SOAT2: variants seen among roughly 807,000 people sequenced by gnomAD.
The protein encoded by SOAT2 is ACAT-2.
SOAT2 carries 87 observed loss-of-function variants against 76.0 expected under a neutral mutation model. That is an observed-to-expected ratio of 1.14 (90% CI 0.96 to 1.37). The LOEUF is 1.37. SOAT2 is among the 40% of genes most tolerant of loss of function. The pLI, the probability that SOAT2 is intolerant of heterozygous loss-of-function variation, is 0.00. For synonymous variants in SOAT2, 285 were observed against 275.4 expected, an observed-to-expected ratio of 1.03 and a Z score of -0.34; for missense variants, 686 against 682.1, an observed-to-expected ratio of 1.01 and a Z score of -0.06.
chr12:53,105,266 C>T (rs369727625), intron 3 of SOAT2, 23 bp downstream of exon 3: 7 of 1,594,634 alleles, frequency 4.4e-6, no homozygotes, highest in South Asian at 3.4e-5. Context: ...AATGGCTGCG[C>T]GGGCTCCTCT....
chr12:53,112,780 T>C (rs1253904551), intron 5 of SOAT2, among the ~76,000 whole-genome samples: 7 of 88,150 alleles, frequency 7.9e-5, no homozygotes, highest in Admixed American at 9.3e-5. Flanking sequence ...TTTTCTTTCC[T>C]TTTTTTTTTT....
At chr12:53,120,753 C>A (rs1288112338) in intron 10 of SOAT2, 33 bp from the exon 11 acceptor site, 1 of 1,551,674 alleles carries the variant, frequency 6.4e-7, no homozygotes, top group Non-Finnish European at 8.9e-7. Context: ...TGTGGGCCAG[C>A]CTGACCTGCA....
At chr12:53,120,673 G>C in intron 10 of SOAT2, 113 bp from the exon 11 acceptor site, 1 of 701,136 alleles carries the variant, frequency 1.4e-6, no homozygotes, top group South Asian at 1.6e-5. Context: ...TAAATGAATG[G>C]TAAGAGTTGG....
chr12:53,107,869 C>T (rs941543467), intron 5 of SOAT2, among the ~76,000 whole-genome samples: 1 of 152,110 alleles, frequency 6.6e-6, no homozygotes, highest in Admixed American at 6.5e-5. Context: ...GCGATCTGCC[C>T]ACCTTGGCCT....
At chr12:53,117,946 C>T (rs567872237) in intron 7 of SOAT2, among the ~76,000 whole-genome samples, 29 of 152,302 alleles carry the variant, frequency 1.9e-4, no homozygotes, top group Non-Finnish European at 3.1e-4. Flanking sequence ...AGCCTTGTCT[C>T]TTGCAGGGTT....
At position 53,103,676 on chromosome 12, in the gene SOAT2, G is replaced by A; in HGVS notation, c.82+17G>A. 6 of 1,509,182 alleles carry A rather than the reference G, an allele frequency of 4.0e-6. No individual in the cohort carries two copies. The highest frequency in any genetic ancestry group is 2.5e-5 in the South Asian group (2 of 78,806). 93.5% of individuals were successfully genotyped at this position (1,509,182 alleles called of 1,614,324 possible). On this transcript the variant is annotated intron_variant, in intron 1 of 14. Transcript: ENST00000301466. ...GTGGAGATGGTGAGCCGCCCTCGGG[G>A]GTGCAGAAGGCACAGGCAAGTGGGG...
At chr12:53,118,517 G>C in intron 8 of SOAT2, 83 bp downstream of exon 8, 1 of 996,448 alleles carries the variant, frequency 1.0e-6, no homozygotes, top group Non-Finnish European at 1.6e-6. Flanking sequence ...AGGTCCTCAG[G>C]CTCACCTCAG....
chr12:53,106,345 T>A (rs1245044759), intron 5 of SOAT2, among the ~76,000 whole-genome samples: 4 of 152,198 alleles, frequency 2.6e-5, no homozygotes, highest in Admixed American at 2.0e-4. Context: ...TCAAGTAACC[T>A]CCATTGAGCA....
chr12:53,120,579 C>T (rs1315130725), intron 10 of SOAT2, among the ~76,000 whole-genome samples: 1 of 147,490 alleles, frequency 6.8e-6, no homozygotes, highest in Non-Finnish European at 1.5e-5. Context: ...TTTGAGGCTG[C>T]AGCGAGCTAT....
At chr12:53,111,298 G>A (rs944354974) in intron 5 of SOAT2, among the ~76,000 whole-genome samples, 5 of 152,090 alleles carry the variant, frequency 3.3e-5, no homozygotes, top group Middle Eastern at 3.4e-3. Context: ...TAGTAGAGAC[G>A]GGGTTTCACC....
rs9658626 is a variant in SOAT2 at position 53,103,666 on chromosome 12, C to A, written c.82+7C>A. 2 of 1,521,298 alleles carry A rather than the reference C, an allele frequency of 1.3e-6. No individual in the cohort carries two copies. Among genetic ancestry groups the A allele is most frequent in the Non-Finnish European group, 1.8e-6 (2 of 1,136,074 alleles). 94.2% of individuals were successfully genotyped at this position (1,521,298 alleles called of 1,614,324 possible). On this transcript the variant is annotated splice_region_variant and intron_variant, in intron 1 of 14. Transcript: ENST00000301466. ...CGCCAACCCTGTGGAGATGGTGAGCCGCCCTCGGGGGTGCAGAAGGCACAG... is the reference window on the plus strand; with the variant it reads ...CGCCAACCCTGTGGAGATGGTGAGCAGCCCTCGGGGGTGCAGAAGGCACAG...
intron 10 of SOAT2, 100 bp from the exon 11 acceptor site, chr12:53,120,686 C>A: frequency 1.3e-6 from 1 of 770,210 alleles, no homozygotes; most frequent in Non-Finnish European, 2.3e-6. Context: ...AGAGTTGGGG[C>A]CCTGGTTTCT....
chr12:53,114,676 G>A (rs1386536198), intron 5 of SOAT2, among the ~76,000 whole-genome samples: 1 of 152,248 alleles, frequency 6.6e-6, no homozygotes. Flanking sequence ...AGCAGAAATT[G>A]TGCCACTGCA....
rs930184262 is a variant in SOAT2 at position 53,108,009 on chromosome 12, A to T, written c.443+1995A>T. 4.4e-4 allele frequency among the ~76,000 whole-genome samples: 67 copies of T among 151,950 alleles called. 1 individual carries two copies. The highest frequency in any genetic ancestry group is 4.9e-4 in the Non-Finnish European group (33 of 67,988). On this transcript the variant is annotated intron_variant, in intron 5 of 14. Coordinates refer to ENST00000301466, the MANE Select transcript of SOAT2 (RefSeq NM_003578.4). ...TAGTAGGACTGGTTTGCTTTATTATACTTGGTTTAATTATTTGTATACAGT... is the reference window on the plus strand; with the variant it reads ...TAGTAGGACTGGTTTGCTTTATTATTCTTGGTTTAATTATTTGTATACAGT...
Position 53,124,158 on chromosome 12 carries a change from C to G in SOAT2, c.*35C>G, listed in dbSNP as rs765609089. 6.2e-7 allele frequency: 1 copy of G among 1,612,488 alleles called. No homozygotes were observed. Among genetic ancestry groups the G allele is most frequent in the Admixed American group, 1.7e-5 (1 of 59,992 alleles). On this transcript the variant is annotated 3_prime_UTR_variant, in exon 15 of 15. Transcript: ENST00000301466. ...CAGACGACGCTACCTGCCCAGACAC[C>G]ACCAAGTTCTCTGCCTGCAAAACCT... is the stretch of plus-strand genomic sequence containing the variant.
intron 4 of SOAT2, 48 bp downstream of exon 4, chr12:53,105,668 G>A: frequency 1.3e-6 from 2 of 1,536,930 alleles, no homozygotes; most frequent in Non-Finnish European, 1.8e-6. Flanking sequence ...AAGGGCTTTG[G>A]CTAGGGGTCA....
intron 5 of SOAT2, among the ~76,000 whole-genome samples, chr12:53,110,598 C>T (rs1937996801): frequency 6.6e-6 from 1 of 152,118 alleles, no homozygotes; most frequent in Admixed American, 6.6e-5. Flanking sequence ...ATACAAGATC[C>T]TTTCTTATAT....
rs543756056 is a variant in SOAT2, at chr12:53,104,338, C to G, written c.138+132C>G. ...ACAAAGTCTCGCTCTGTTGCTCAGG[C>G]TGGAGTGCATTGGCACAATCTCGGC... is the stretch of plus-strand genomic sequence containing the variant. On this transcript the variant is annotated intron_variant, in intron 2 of 14. Coordinates refer to ENST00000301466, the MANE Select transcript of SOAT2 (RefSeq NM_003578.4). The G allele has an allele frequency of 2.9e-4, 181 of 633,402 alleles. No individual in the cohort carries two copies. The African/African-American group carries it at 3.1e-3, about 11-fold the overall frequency. 39.2% of individuals were successfully genotyped at this position (633,402 alleles called of 1,614,324 possible). A position where few individuals can be genotyped will look rare whatever the true frequency, so the allele number is the denominator to read the frequency against.
chr12:53,122,958 G>A, intron 12 of SOAT2, 123 bp from the exon 13 acceptor site: 1 of 1,118,222 alleles, frequency 8.9e-7, no homozygotes, highest in Non-Finnish European at 1.2e-6. Context: ...GGCCGGGCGG[G>A]GGGCTGACCC....
Sources: allele counts gnomAD v4.1 joint callset (sites outside exome capture counted in the v4.1 genomes callset), GRCh38; gene constraint gnomAD v4.1.1; transcripts MANE v1.5; gene names NCBI Gene and HGNC (gene_info 2026-07-23, HGNC 2026-07-21).